The following SORBS2 variants were observed in gnomAD, a reference collection of about 807,000 sequenced individuals.
The protein encoded by SORBS2 is sorbin and SH3 domain-containing protein 2.
In SORBS2, 46 loss-of-function variants were observed where a neutral mutation model predicts 97.7. The ratio of observed to expected loss-of-function variants is 0.47; its 90% CI spans 0.37 to 0.60. The LOEUF (loss-of-function observed/expected upper bound fraction) is 0.60, where lower values mean the gene tolerates loss of function less well. SORBS2 is among the 20% of genes least tolerant of loss of function. SORBS2 has a pLI of 0.00. For synonymous variants in SORBS2, 476 were observed against 473.4 expected, an observed-to-expected ratio of 1.01 and a Z score of -0.07; for missense variants, 1,316 against 1,282.3, an observed-to-expected ratio of 1.03 and a Z score of -0.40.
intron 1 of SORBS2, among the ~76,000 whole-genome samples, chr4:185,852,950 G>T (rs2149689178): frequency 6.6e-6 from 1 of 152,282 alleles, no homozygotes; most frequent in African/African-American, 2.4e-5. Flanking sequence ...CTTTGTGCCT[G>T]CCACCCTGCA....
At chr4:185,825,277 A>G (rs1236014014) in intron 1 of SORBS2, among the ~76,000 whole-genome samples, 2 of 88,634 alleles carry the variant, frequency 2.3e-5, no homozygotes, top group East Asian at 2.2e-4. Flanking sequence ...AGTCAATGTA[A>G]TTTATTAGCA....
At chr4:185,910,960 T>TAAA (rs905937534) in intron 1 of SORBS2, among the ~76,000 whole-genome samples, 185 of 150,466 alleles carry the variant, frequency 1.2e-3, no homozygotes, top group East Asian at 1.2e-3. Context: ...TTTGATTTTT[T>TAAA]AAAAAAAAAA....
At chr4:185,932,201 T>C (rs1243230453) in intron 1 of SORBS2, among the ~76,000 whole-genome samples, 1 of 151,790 alleles carries the variant, frequency 6.6e-6, no homozygotes, top group African/African-American at 2.4e-5. Flanking sequence ...CAGCAATGCT[T>C]GCGGGATTAG....
chr4:185,918,899 CA>C, intron 1 of SORBS2, among the ~76,000 whole-genome samples: 1 of 152,252 alleles, frequency 6.6e-6, no homozygotes, highest in South Asian at 2.1e-4. Flanking sequence ...AATGGATGCA[CA>C]AATGATCTGT....
At chr4:185,846,931 G>C (rs1301826296) in intron 1 of SORBS2, among the ~76,000 whole-genome samples, 1 of 152,068 alleles carries the variant, frequency 6.6e-6, no homozygotes, top group Non-Finnish European at 1.5e-5. Context: ...ATAAAAACTA[G>C]GGAAAGGAAA....
intron 1 of SORBS2, among the ~76,000 whole-genome samples, chr4:185,793,050 T>C (rs2099088580): frequency 6.6e-6 from 1 of 152,254 alleles, no homozygotes; most frequent in Admixed American, 6.5e-5. Context: ...CACTGTGCAT[T>C]GAATGAATGG....
intron 12 of SORBS2, among the ~76,000 whole-genome samples, chr4:185,605,800 A>G (rs975241670): frequency 6.6e-5 from 10 of 152,012 alleles, no homozygotes; most frequent in African/African-American, 2.2e-4. Flanking sequence ...GGCCAGGCTG[A>G]TCTCAAATTC....
intron 2 of SORBS2, among the ~76,000 whole-genome samples, chr4:185,711,626 A>C (rs2153547056): frequency 6.6e-6 from 1 of 152,290 alleles, no homozygotes; most frequent in South Asian, 2.1e-4. Context: ...TCTGTCTCAA[A>C]GCAATCTGTT....
At chr4:185,642,260 CT>C (rs1232424656) in intron 4 of SORBS2, among the ~76,000 whole-genome samples, 1 of 152,104 alleles carries the variant, frequency 6.6e-6, no homozygotes, top group Non-Finnish European at 1.5e-5. Flanking sequence ...TGCATTTCAA[CT>C]CTGCTACAGT....
At chr4:185,954,627 G>A (rs1039574763) in intron 1 of SORBS2, among the ~76,000 whole-genome samples, 3 of 152,142 alleles carry the variant, frequency 2.0e-5, no homozygotes, top group African/African-American at 4.8e-5. Flanking sequence ...GTCTCTTATT[G>A]TTTGGCACTC....
intron 1 of SORBS2, among the ~76,000 whole-genome samples, chr4:185,925,739 A>C (rs2099263295): frequency 6.6e-6 from 1 of 152,056 alleles, no homozygotes; most frequent in Non-Finnish European, 1.5e-5. Flanking sequence ...ACACAAGATT[A>C]CCTCCTCTCA....
At chr4:185,745,045 C>T (rs1045645867) in intron 2 of SORBS2, among the ~76,000 whole-genome samples, 3 of 152,116 alleles carry the variant, frequency 2.0e-5, no homozygotes, top group Admixed American at 6.5e-5. Context: ...ACTTGTGGGC[C>T]GGCTCAGGGA....
At chr4:185,808,983 C>T (rs1033122623) in intron 1 of SORBS2, among the ~76,000 whole-genome samples, 2 of 152,018 alleles carry the variant, frequency 1.3e-5, no homozygotes, top group Admixed American at 6.6e-5. Context: ...AATTTTCCCT[C>T]GGGAAATTTG....
At chr4:185,753,062 C>T (rs115787864) in intron 2 of SORBS2, among the ~76,000 whole-genome samples, 2,065 of 152,338 alleles carry the variant, frequency 0.014, 38 homozygotes, top group African/African-American at 0.046. Context: ...CCAGTGACCA[C>T]GGCCATGAGG....
chr4:185,688,475 A>C (rs1410401035), intron 2 of SORBS2, among the ~76,000 whole-genome samples: 1 of 140,846 alleles, frequency 7.1e-6, no homozygotes, highest in African/African-American at 2.6e-5. Flanking sequence ...TATTATCTGC[A>C]TTATCTATCT....
At chr4:185,909,428 G>A (rs2099253602) in intron 1 of SORBS2, among the ~76,000 whole-genome samples, 1 of 152,052 alleles carries the variant, frequency 6.6e-6, no homozygotes, top group Non-Finnish European at 1.5e-5. Context: ...ATGACTTAAT[G>A]GGGACAATGT....
chr4:185,597,265 A>G (rs1182545177), intron 12 of SORBS2, among the ~76,000 whole-genome samples: 1 of 152,162 alleles, frequency 6.6e-6, no homozygotes, highest in African/African-American at 2.4e-5. Context: ...AATGAGTTGG[A>G]CAAGATGAGG....
chr4:185,904,778 T>C (rs1456860155), intron 1 of SORBS2, among the ~76,000 whole-genome samples: 1 of 152,156 alleles, frequency 6.6e-6, no homozygotes, highest in Non-Finnish European at 1.5e-5. Context: ...CAAACGAGAC[T>C]GAACCAAGTG....
chr4:185,726,209 T>G (rs999676231), intron 2 of SORBS2, among the ~76,000 whole-genome samples: 10 of 152,188 alleles, frequency 6.6e-5, no homozygotes, highest in Non-Finnish European at 1.3e-4. Context: ...TACACACAGT[T>G]TTAGAAGTCC....
Sources: allele counts gnomAD v4.1 joint callset (sites outside exome capture counted in the v4.1 genomes callset), GRCh38; gene constraint gnomAD v4.1.1; transcripts MANE v1.5; gene names NCBI Gene and HGNC (gene_info 2026-07-23, HGNC 2026-07-21).